The following PARN variants were observed in gnomAD, a reference collection of about 807,000 sequenced individuals.
The protein encoded by PARN is poly(A)-specific ribonuclease, also known as poly(A)-specific ribonuclease PARN.
Under a neutral mutation model 102.8 loss-of-function variants are expected in PARN, and 71 were observed. The ratio of observed to expected loss-of-function variants is 0.69; its 90% CI spans 0.57 to 0.84. The LOEUF (loss-of-function observed/expected upper bound fraction) is 0.84, where lower values mean the gene tolerates loss of function less well. Ranked by LOEUF, PARN falls within the 40% of genes least tolerant of loss-of-function variation. The pLI, the probability that PARN is intolerant of heterozygous loss-of-function variation, is 0.00. For synonymous variants in PARN, 261 were observed against 252.9 expected, an observed-to-expected ratio of 1.03 and a Z score of -0.30; for missense variants, 782 against 760.9, an observed-to-expected ratio of 1.03 and a Z score of -0.33.
At chr16:14,532,883 A>G (rs181850368) in intron 21 of PARN, among the ~76,000 whole-genome samples, 26,127 of 146,860 alleles carry the variant, frequency 0.18, 2,607 homozygotes, top group Middle Eastern at 0.29. Flanking sequence ...CCTCCCGGAC[A>G]GGGCAGCTGG....
At chr16:14,582,855 GATAAT>G (rs1341161773) in intron 16 of PARN, among the ~76,000 whole-genome samples, 1 of 152,062 alleles carries the variant, frequency 6.6e-6, no homozygotes, top group Non-Finnish European at 1.5e-5. Context: ...GATCAGATAA[GATAAT>G]ATAAGTTAAA....
chr16:14,593,209 TAGAGG>T, intron 13 of PARN, 87 bp downstream of exon 13: 1 of 722,598 alleles, frequency 1.4e-6, no homozygotes, highest in East Asian at 2.7e-5. Context: ...GGCACCCAAG[TAGAGG>T]ACAGTTCAGT....
At chr16:14,590,415 A>T (rs941964710) in intron 13 of PARN, among the ~76,000 whole-genome samples, 6 of 151,472 alleles carry the variant, frequency 4.0e-5, no homozygotes, top group African/African-American at 1.5e-4. Context: ...CGGGTGGATC[A>T]CCTGAGATGA....
intron 21 of PARN, among the ~76,000 whole-genome samples, chr16:14,489,103 A>G (rs1373875018): frequency 1.3e-5 from 2 of 152,174 alleles, no homozygotes; most frequent in Non-Finnish European, 2.9e-5. Context: ...ACATACACAC[A>G]TGGCGGGGGT....
intron 21 of PARN, among the ~76,000 whole-genome samples, chr16:14,496,463 A>T (rs1964325252): frequency 6.6e-6 from 1 of 152,186 alleles, no homozygotes; most frequent in Admixed American, 6.5e-5. Flanking sequence ...TTTTTAAAAG[A>T]TGAAACACAA....
At chr16:14,471,040 C>A (rs1567301364) in intron 22 of PARN, among the ~76,000 whole-genome samples, 1 of 152,148 alleles carries the variant, frequency 6.6e-6, no homozygotes, top group East Asian at 1.9e-4. Flanking sequence ...ATCTCATCCT[C>A]CCAAAGGGCT....
rs757489769 is a variant in PARN at position 14,630,067 on chromosome 16, C to A, written c.19+40G>T. 8 of 1,537,996 alleles carry A rather than the reference C, an allele frequency of 5.2e-6. No homozygotes were observed. In the Admixed American group the frequency reaches 1.6e-4, roughly 30 times the overall value. The stretch of plus-strand genomic sequence containing the variant: ...CTCGGCCTAGCAGGCCAGGGGCAGC[C>A]GGGTGTGGGGAGGCGGGGAGGTGTA... On this transcript the variant is annotated intron_variant, in intron 1 of 23. Transcript: ENST00000437198.
At chr16:14,616,523 A>G (rs1357336402) in intron 6 of PARN, among the ~76,000 whole-genome samples, 1 of 152,234 alleles carries the variant, frequency 6.6e-6, no homozygotes, top group Non-Finnish European at 1.5e-5. Flanking sequence ...AGGCAGGTGG[A>G]TTGTTCGAGG....
intron 21 of PARN, among the ~76,000 whole-genome samples, chr16:14,542,506 T>G (rs1199188842): frequency 6.6e-6 from 1 of 151,198 alleles, no homozygotes; most frequent in Non-Finnish European, 1.5e-5. Context: ...AAACAACCTA[T>G]TATAACTATG....
At chr16:14,557,483 G>C (rs1242998011) in intron 18 of PARN, among the ~76,000 whole-genome samples, 2 of 151,068 alleles carry the variant, frequency 1.3e-5, no homozygotes, top group African/African-American at 2.4e-5. Flanking sequence ...CTTGAACCAT[G>C]GAGGCGGAGG....
Position 14,482,653 on chromosome 16 carries a change from T to C in PARN, c.1655A>G (p.Tyr552Cys), listed in dbSNP as rs375813873. The C allele has an allele frequency of 3.0e-5, 48 of 1,605,276 alleles. No individual in the cohort carries two copies. Among genetic ancestry groups the C allele is most frequent in the African/African-American group, 1.1e-4 (8 of 74,402 alleles). The change falls in exon 22 of 24, where the codon TAT becomes TGT. Residue 552 changes from tyrosine to cysteine, a missense_variant. Tyr to Cys is a radical substitution (Grantham distance 194, BLOSUM62 -2). Coordinates refer to ENST00000437198, the MANE Select transcript of PARN (RefSeq NM_002582.4). ...GAGCTCTTACCTATTGTTGCGGTAA[T>C]AGTGATTCTGCAGGGTGTAGGGTAT... ...QCIPYTLQNH[Y>C]YRNNSFTAPS... is the part of the protein sequence containing the mutation.
At chr16:14,592,122 G>A (rs1033414340) in intron 13 of PARN, 1 of 152,176 alleles carries the variant, frequency 6.6e-6, no homozygotes, top group Admixed American at 6.6e-5. Flanking sequence ...TGGAGACAGA[G>A]CAAGAGTCAA....
intron 21 of PARN, among the ~76,000 whole-genome samples, chr16:14,515,182 G>A (rs1365050175): frequency 2.0e-5 from 3 of 152,016 alleles, no homozygotes; most frequent in Non-Finnish European, 1.5e-5. Flanking sequence ...TTGCTATATT[G>A]CCCAGGCTGG....
intron 21 of PARN, among the ~76,000 whole-genome samples, chr16:14,496,928 C>G (rs1022154688): frequency 6.6e-6 from 1 of 152,160 alleles, no homozygotes; most frequent in African/African-American, 2.4e-5. Context: ...TTGAATACGA[C>G]AGAACAGTGC....
intron 21 of PARN, among the ~76,000 whole-genome samples, chr16:14,516,501 A>G (rs1018351722): frequency 6.6e-6 from 1 of 152,366 alleles, no homozygotes; most frequent in East Asian, 1.9e-4. Flanking sequence ...AGAGTAAGTC[A>G]AGAAAAAAAA....
chr16:14,619,178 G>C (rs1972124892), intron 5 of PARN, among the ~76,000 whole-genome samples: 1 of 152,172 alleles, frequency 6.6e-6, no homozygotes, highest in Non-Finnish European at 1.5e-5. Context: ...ACTCCAGCCT[G>C]AGTGACAAAG....
chr16:14,550,019 C>T (rs1252514347), intron 21 of PARN, among the ~76,000 whole-genome samples: 1 of 152,184 alleles, frequency 6.6e-6, no homozygotes, highest in African/African-American at 2.4e-5. Context: ...GCTTCAATGT[C>T]ACCGAGTGTG....
In PARN at chr16:14,444,983, A is replaced by ATT. The variant is rs564058919; in HGVS notation, c.1864+1903_1864+1904dup. Among the ~76,000 whole-genome samples, 641 of 117,856 alleles carry ATT rather than the reference A, an allele frequency of 5.4e-3. 2 individuals are homozygous for ATT. The highest frequency in any genetic ancestry group is 0.011 in the African/African-American group (332 of 30,214). 77.3% of individuals were successfully genotyped at this position (117,856 alleles called of 152,430 possible). ...ACATGCCCGTGCAGCTAATATTTAAATTTTTTTTTTTTTTTTTTTTTTTTT... is the reference window on the plus strand; with the variant it reads ...ACATGCCCGTGCAGCTAATATTTAAATTTTTTTTTTTTTTTTTTTTTTTTTTT... On this transcript the variant is annotated intron_variant, in intron 23 of 23. Transcript: ENST00000437198.
chr16:14,591,620 G>A (rs1271049904), intron 13 of PARN, among the ~76,000 whole-genome samples: 1 of 152,172 alleles, frequency 6.6e-6, no homozygotes, highest in Admixed American at 6.5e-5. Flanking sequence ...TTACTATCTG[G>A]CCCTTTATAG....
Sources: allele counts gnomAD v4.1 joint callset (sites outside exome capture counted in the v4.1 genomes callset), GRCh38; gene constraint gnomAD v4.1.1; transcripts MANE v1.5; gene names NCBI Gene and HGNC (gene_info 2026-07-23, HGNC 2026-07-21).